Variants in ZFHX4 observed in about 807,000 individuals in gnomAD.
The protein encoded by ZFHX4 is zinc finger homeobox protein 4.
ZFHX4 carries 56 observed loss-of-function variants against 267.6 expected under a neutral mutation model. That is an observed-to-expected ratio of 0.21 (90% CI 0.17 to 0.26). ZFHX4 has a LOEUF of 0.26. Ranked by LOEUF, ZFHX4 falls within the 10% of genes least tolerant of loss-of-function variation. The pLI is 1.00. For synonymous variants in ZFHX4, 1,778 were observed against 1,665.6 expected, an observed-to-expected ratio of 1.07 and a Z score of -1.64; for missense variants, 4,332 against 4,420.0, an observed-to-expected ratio of 0.98 and a Z score of 0.56.
intron 4 of ZFHX4, among the ~76,000 whole-genome samples, chr8:76,781,330 A>G (rs1810540146): frequency 6.6e-6 from 1 of 152,110 alleles, no homozygotes; most frequent in Admixed American, 6.6e-5. Context: ...GTAATAGCAA[A>G]TAACTATTGT....
At chr8:76,832,010 G>GC (rs1162214241) in intron 4 of ZFHX4, among the ~76,000 whole-genome samples, 1 of 143,976 alleles carries the variant, frequency 6.9e-6, no homozygotes, top group African/African-American at 2.6e-5. Context: ...AGTGGGGGGG[G>GC]GCACTGAGTG....
At chr8:76,801,840 G>A (rs1378181817) in intron 4 of ZFHX4, among the ~76,000 whole-genome samples, 9 of 152,124 alleles carry the variant, frequency 5.9e-5, no homozygotes, top group East Asian at 1.9e-4. Context: ...AAAAATATGC[G>A]TGGCAGTAAA....
intron 4 of ZFHX4, among the ~76,000 whole-genome samples, chr8:76,791,768 G>A (rs540319317): frequency 6.6e-6 from 1 of 152,058 alleles, no homozygotes; most frequent in Non-Finnish European, 1.5e-5. Flanking sequence ...TAAATTATCT[G>A]TAACTTTTAA....
intron 5 of ZFHX4, 128 bp downstream of exon 5, chr8:76,833,534 A>C (rs1441836024): frequency 4.6e-6 from 3 of 645,676 alleles, no homozygotes; most frequent in Non-Finnish European, 7.8e-6. Context: ...TGCCTTATTC[A>C]AATAAGTAAA....
intron 3 of ZFHX4, among the ~76,000 whole-genome samples, chr8:76,771,059 T>C (rs545947260): frequency 2.6e-5 from 4 of 152,258 alleles, no homozygotes; most frequent in Admixed American, 2.0e-4. Context: ...ATATGGTCAT[T>C]CTATTTAGAG....
chr8:76,722,041 G>C (rs922563567), intron 3 of ZFHX4, among the ~76,000 whole-genome samples: 6 of 151,582 alleles, frequency 4.0e-5, no homozygotes, highest in Non-Finnish European at 7.4e-5. Context: ...TTTATCTATT[G>C]CTATTTCAGG....
intron 3 of ZFHX4, among the ~76,000 whole-genome samples, chr8:76,735,172 A>G (rs1650035956): frequency 6.6e-6 from 1 of 152,114 alleles, no homozygotes; most frequent in Non-Finnish European, 1.5e-5. Context: ...CTGCCATTCC[A>G]TTATGCTGTT....
chr8:76,696,079 A>G (rs1807948759), intron 1 of ZFHX4, among the ~76,000 whole-genome samples: 1 of 152,162 alleles, frequency 6.6e-6, no homozygotes, highest in African/African-American at 2.4e-5. Context: ...CAGTAAATAA[A>G]CCTGCAAACC....
intron 5 of ZFHX4, among the ~76,000 whole-genome samples, chr8:76,835,247 A>ATATATATATGTATG (rs1812059362): frequency 2.2e-5 from 3 of 138,774 alleles, no homozygotes; most frequent in South Asian, 2.2e-4. Context: ...ATATGTATAT[A>ATATATATATGTATG]TATATATATA....
chr8:76,731,506 T>C (rs1563489522), intron 3 of ZFHX4, among the ~76,000 whole-genome samples: 1 of 152,172 alleles, frequency 6.6e-6, no homozygotes, highest in East Asian at 1.9e-4. Context: ...GAGACTGTGA[T>C]GCGATGCAGC....
intron 4 of ZFHX4, among the ~76,000 whole-genome samples, chr8:76,824,869 C>T (rs1811743944): frequency 1.3e-5 from 2 of 152,156 alleles, no homozygotes; most frequent in African/African-American, 4.8e-5. Flanking sequence ...CTGCGGGCCT[C>T]ACTATGATTT....
intron 3 of ZFHX4, among the ~76,000 whole-genome samples, chr8:76,724,553 T>C (rs937378691): frequency 2.0e-5 from 3 of 152,124 alleles, no homozygotes; most frequent in Admixed American, 6.6e-5. Context: ...AAACCCTTTC[T>C]GTACAAAAGA....
Position 76,758,906 on chromosome 8 carries a change from T to G in ZFHX4, c.3094-19302T>G, listed in dbSNP as rs541514250. Reference sequence around the variant, plus strand: ...GTTAAACAACTGTTTTCCCCAGTCTTGAGGCATTCAGGCTTATATGTGAAA... The same window carrying G: ...GTTAAACAACTGTTTTCCCCAGTCTGGAGGCATTCAGGCTTATATGTGAAA... On this transcript the variant is annotated intron_variant, in intron 3 of 10. Transcript: ENST00000651372. Among the ~76,000 whole-genome samples the G allele has an allele frequency of 2.0e-5, 3 of 152,284 alleles. No individual in the cohort carries two copies. In the South Asian group the frequency reaches 6.2e-4, roughly 32 times the overall value.
chr8:76,750,353 T>C (rs989779741), intron 3 of ZFHX4, among the ~76,000 whole-genome samples: 4 of 152,170 alleles, frequency 2.6e-5, no homozygotes, highest in Non-Finnish European at 4.4e-5. Context: ...AATTTAACAC[T>C]GAGTGTGCAT....
At chr8:76,752,721 C>T (rs1355961575) in intron 3 of ZFHX4, among the ~76,000 whole-genome samples, 1 of 151,858 alleles carries the variant, frequency 6.6e-6, no homozygotes, top group African/African-American at 2.4e-5. Flanking sequence ...CCATGCCCCC[C>T]ACATTTAGCA....
chr8:76,769,275 C>G (rs1426415620), intron 3 of ZFHX4, among the ~76,000 whole-genome samples: 1 of 151,976 alleles, frequency 6.6e-6, no homozygotes, highest in African/African-American at 2.4e-5. Flanking sequence ...TCTCAGTGTG[C>G]TTTGCATATT....
At chr8:76,732,029 A>G (rs958879193) in intron 3 of ZFHX4, among the ~76,000 whole-genome samples, 2 of 151,952 alleles carry the variant, frequency 1.3e-5, no homozygotes, top group Admixed American at 6.6e-5. Flanking sequence ...TTTAGTAGAG[A>G]CAGGATTTCA....
Position 76,852,040 on chromosome 8 carries a change from G to A in ZFHX4, c.5119G>A (p.Ala1707Thr), listed in dbSNP as rs764848741. 114 of 1,613,874 alleles carry A rather than the reference G, an allele frequency of 7.1e-5. No homozygotes were observed. Among genetic ancestry groups the A allele is most frequent in the South Asian group, 7.7e-5 (7 of 91,084 alleles). ...QLQHELQQQA[A>T]FFQPQFLNPA... The stretch of plus-strand genomic sequence containing the variant: ...ACAGCACGAATTACAACAGCAAGCC[G>A]CATTCTTTCAGCCTCAGTTTCTAAA... Residue 1707 changes from alanine (A) to threonine (T), a missense_variant, in exon 10 of 11, where the codon GCA becomes ACA. Coordinates refer to ENST00000651372, the MANE Select transcript of ZFHX4 (RefSeq NM_024721.5).
At chr8:76,779,803 G>A (rs899285177) in intron 4 of ZFHX4, among the ~76,000 whole-genome samples, 7 of 151,982 alleles carry the variant, frequency 4.6e-5, no homozygotes, top group East Asian at 1.9e-4. Flanking sequence ...CAGCAATCAC[G>A]AACCTATAAA....
Sources: allele counts gnomAD v4.1 joint callset (sites outside exome capture counted in the v4.1 genomes callset), GRCh38; gene constraint gnomAD v4.1.1; transcripts MANE v1.5; gene names NCBI Gene and HGNC (gene_info 2026-07-23, HGNC 2026-07-21).